Variants in LYPD6 observed in about 807,000 individuals in gnomAD.
LYPD6 encodes the protein ly6/PLAUR domain-containing protein 6.
Under a neutral mutation model 22.7 loss-of-function variants are expected in LYPD6, and 15 were observed. That is an observed-to-expected ratio of 0.66 (90% confidence interval 0.44 to 1.02). The LOEUF (loss-of-function observed/expected upper bound fraction) is 1.02. Ranked by LOEUF, LYPD6 falls within the 50% of genes least tolerant of loss-of-function variation. LYPD6 has a pLI of 0.00. For missense variants in LYPD6, 189 were observed against 208.4 expected (o/e 0.91, Z 0.57); for synonymous variants, 72 against 77.5 (o/e 0.93, Z 0.37).
intron 1 of LYPD6, among the ~76,000 whole-genome samples, chr2:149,337,299 A>G (rs1053221611): frequency 2.9e-4 from 44 of 152,190 alleles, no homozygotes; most frequent in African/African-American, 1.1e-3. Context: ...TCTAGGGCCC[A>G]TTGTATCCTC....
intron 1 of LYPD6, among the ~76,000 whole-genome samples, chr2:149,332,991 G>A (rs1016999071): frequency 2.0e-5 from 3 of 152,226 alleles, no homozygotes; most frequent in Admixed American, 6.5e-5. Context: ...GGAGAGATGT[G>A]TGAGAAATAT....
chr2:149,384,435 G>A (rs1014234054), intron 1 of LYPD6, among the ~76,000 whole-genome samples: 6 of 152,188 alleles, frequency 3.9e-5, no homozygotes, highest in African/African-American at 1.4e-4. Context: ...AGGGGGATGT[G>A]TCTCCTCCAA....
chr2:149,403,468 T>C (rs1350240067), intron 1 of LYPD6, among the ~76,000 whole-genome samples: 2 of 148,958 alleles, frequency 1.3e-5, no homozygotes, highest in African/African-American at 5.0e-5. Context: ...GATTTGCATT[T>C]CTCTGATGGC....
intron 1 of LYPD6, among the ~76,000 whole-genome samples, chr2:149,434,385 T>A (rs1190859442): frequency 6.6e-6 from 1 of 152,216 alleles, no homozygotes; most frequent in African/African-American, 2.4e-5. Flanking sequence ...GCCATGAGTT[T>A]GCTTTACTGT....
intron 1 of LYPD6, among the ~76,000 whole-genome samples, chr2:149,341,597 C>G (rs920235430): frequency 1.5e-4 from 23 of 152,104 alleles, no homozygotes; most frequent in Admixed American, 1.3e-3. Flanking sequence ...ATCTTAGACT[C>G]GTTGTGCTAC....
intron 1 of LYPD6, among the ~76,000 whole-genome samples, chr2:149,378,879 T>C (rs1364087982): frequency 1.3e-5 from 2 of 152,230 alleles, no homozygotes; most frequent in African/African-American, 4.8e-5. Context: ...ATCCTTGTTT[T>C]CTATACAGTG....
At chr2:149,369,913 A>G (rs577487195) in intron 1 of LYPD6, among the ~76,000 whole-genome samples, 17 of 147,466 alleles carry the variant, frequency 1.2e-4, no homozygotes, top group South Asian at 6.4e-4. Flanking sequence ...GGGAGGGTAG[A>G]CAATACAGCT....
intron 1 of LYPD6, among the ~76,000 whole-genome samples, chr2:149,346,037 G>A (rs1033156153): frequency 1.3e-5 from 2 of 152,106 alleles, no homozygotes; most frequent in Admixed American, 1.3e-4. Context: ...TAGATGTCAA[G>A]TAGATATTTG....
intron 1 of LYPD6, among the ~76,000 whole-genome samples, chr2:149,357,170 T>G (rs1681465381): frequency 6.6e-6 from 1 of 152,248 alleles, no homozygotes; most frequent in South Asian, 2.1e-4. Flanking sequence ...CTTAGTTATC[T>G]ACCCTGATTG....
intron 1 of LYPD6, chr2:149,370,597 G>T (rs1472970343): frequency 6.6e-6 from 1 of 152,102 alleles, no homozygotes; most frequent in East Asian, 1.9e-4. Context: ...CCTGATCTTG[G>T]AATTCCCACC....
intron 1 of LYPD6, among the ~76,000 whole-genome samples, chr2:149,333,805 G>A (rs1407335149): frequency 1.3e-5 from 2 of 152,146 alleles, no homozygotes; most frequent in Non-Finnish European, 2.9e-5. Context: ...TTCAGGAACT[G>A]TTCAGAGTGC....
At chr2:149,428,861 A>G (rs1463492003) in intron 1 of LYPD6, among the ~76,000 whole-genome samples, 1 of 152,234 alleles carries the variant, frequency 6.6e-6, no homozygotes, top group African/African-American at 2.4e-5. Flanking sequence ...GAAAATAGGT[A>G]ACGTTCCTAC....
chr2:149,407,308 G>A (rs947146979), intron 1 of LYPD6, among the ~76,000 whole-genome samples: 7 of 152,142 alleles, frequency 4.6e-5, no homozygotes, highest in Non-Finnish European at 8.8e-5. Context: ...AGTTCTCCTG[G>A]ATAATATCCT....
intron 1 of LYPD6, among the ~76,000 whole-genome samples, chr2:149,352,662 G>A (rs527865817): frequency 2.6e-5 from 4 of 152,294 alleles, no homozygotes; most frequent in South Asian, 2.1e-4. Context: ...ATTTGTGTAC[G>A]TATCCTGCAT....
At chr2:149,450,571 T>C (rs568367682) in intron 3 of LYPD6, among the ~76,000 whole-genome samples, 2 of 152,316 alleles carry the variant, frequency 1.3e-5, no homozygotes, top group African/African-American at 4.8e-5. Context: ...GCACTAAAGA[T>C]TGGCTTAACT....
chr2:149,397,942 T>C (rs1380434474), intron 1 of LYPD6, among the ~76,000 whole-genome samples: 1 of 151,914 alleles, frequency 6.6e-6, no homozygotes, highest in Non-Finnish European at 1.5e-5. Flanking sequence ...TTGAAAAAAA[T>C]AAAATATCCT....
intron 1 of LYPD6, among the ~76,000 whole-genome samples, chr2:149,333,783 A>G (rs567583354): frequency 3.3e-4 from 51 of 152,298 alleles, no homozygotes; most frequent in African/African-American, 1.1e-3. Flanking sequence ...AGCTGTTGGT[A>G]TCATACATTC....
chr2:149,410,981 A>G (rs1416042520), intron 1 of LYPD6, among the ~76,000 whole-genome samples: 1 of 152,242 alleles, frequency 6.6e-6, no homozygotes, highest in Non-Finnish European at 1.5e-5. Context: ...GCTTATGTGA[A>G]GAGTATCTCC....
At chr2:149,374,752 G>T (rs562282417) in intron 1 of LYPD6, among the ~76,000 whole-genome samples, 1 of 152,342 alleles carries the variant, frequency 6.6e-6, no homozygotes, top group Non-Finnish European at 1.5e-5. Context: ...GGTAGCACAT[G>T]TTAGGCTTTT....
Sources: gnomAD v4.1 joint callset for allele counts (sites outside exome capture counted in the v4.1 genomes callset) on GRCh38, gnomAD v4.1.1 for gene constraint, MANE v1.5 for transcripts, NCBI Gene and HGNC (gene_info 2026-07-23, HGNC 2026-07-21) for gene names.